The following DDX23 variants were observed in gnomAD, a reference collection of about 807,000 sequenced individuals.
DDX23 encodes the protein DEAD-box helicase 23, also known as probable ATP-dependent RNA helicase DDX23.
DDX23 carries 33 observed loss-of-function variants against 102.7 expected under a neutral mutation model. The ratio of observed to expected loss-of-function variants is 0.32; its 90% CI spans 0.24 to 0.43. DDX23 has a LOEUF of 0.43. DDX23 is among the 20% of genes least tolerant of loss of function. The pLI, the probability that DDX23 is intolerant of heterozygous loss-of-function variation, is 1.00. For missense variants in DDX23, 549 were observed against 1,086.6 expected, an observed-to-expected ratio of 0.51 and a Z score of 6.96; for synonymous variants, 352 against 376.0, an observed-to-expected ratio of 0.94 and a Z score of 0.74.
intron 1 of DDX23, among the ~76,000 whole-genome samples, chr12:48,850,303 A>C (rs1846803557): frequency 2.0e-5 from 3 of 152,226 alleles, no homozygotes; most frequent in Non-Finnish European, 4.4e-5. Flanking sequence ...ATAGCTCCTA[A>C]ATTTATAGTT....
rs745912864 is a variant in DDX23, at chr12:48,838,078, G to A, written c.483C>T (p.Pro161=). 1 of 1,614,120 alleles carries A rather than the reference G, an allele frequency of 6.2e-7. No homozygotes were observed. Among genetic ancestry groups the A allele is most frequent in the Non-Finnish European group, 8.5e-7 (1 of 1,180,034 alleles). ...CTCGTTCTGCTTTAGAGAGGAACTT[G>A]GGCTACAAAAGAGATTGGAACTGTC... ...KKAEEEAEAK[P]KFLSKAEREA... The change falls in exon 6 of 17, where the codon CCC becomes CCT. Residue 161 remains proline (P), a splice_region_variant and synonymous_variant. Transcript: ENST00000308025.
Position 48,833,330 on chromosome 12 carries a change from C to T in DDX23, c.1750G>A (p.Asp584Asn). Residue 584 changes from aspartate (D) to asparagine (N), a missense_variant, in exon 13 of 17, where the codon GAC becomes AAC. Physicochemically the swap from Asp to Asn is conservative, Grantham distance 23 (BLOSUM62 1). Transcript: ENST00000308025. ...AAGTTGGCCAGCATCTTCTCAGGGT[C>T]CTCAGCCTCATCCGTGTCTGGCTTC... ...NQKPDTDEAEDPEKMLANFES... is the reference protein window; with the variant it reads ...NQKPDTDEAENPEKMLANFES... 6.2e-7 allele frequency: 1 copy of T among 1,614,170 alleles called. No homozygotes were observed. Among genetic ancestry groups the T allele is most frequent in the Non-Finnish European group, 8.5e-7 (1 of 1,180,044 alleles).
intron 3 of DDX23, among the ~76,000 whole-genome samples, chr12:48,842,343 T>C: frequency 8.9e-6 from 1 of 112,426 alleles, no homozygotes. Flanking sequence ...CGGCCGCCCC[T>C]ACTGGGAAGT....
Position 48,843,980 on chromosome 12 carries a change from T to C in DDX23, c.280A>G (p.Lys94Glu). 6.2e-7 allele frequency: 1 copy of C among 1,614,152 alleles called. No homozygotes were observed. The highest frequency in any genetic ancestry group is 1.6e-4 in the Middle Eastern group (1 of 6,062). Residue 94 changes from lysine to glutamate, a missense_variant, in exon 3 of 17, where the codon AAG (lysine) becomes GAG (glutamate). By Grantham distance (56) the Lys-to-Glu change is moderately conservative (BLOSUM62 1). This residue lies in a region of DDX23 where 241 missense variants were observed against 267.0 expected (regional missense o/e 0.90). Transcript: ENST00000308025. The stretch of plus-strand genomic sequence containing the variant: ...TCCTTGTCCCGTCTGTGCCCATCCT[T>C]GTCTCGATCTCGGTCCTTCTTATTC... ...DRNKKDRDRD[K>E]DGHRRDKDRK... is the part of the protein sequence containing the mutation.
intron 3 of DDX23, among the ~76,000 whole-genome samples, chr12:48,842,779 C>G (rs1938589887): frequency 6.6e-6 from 1 of 152,238 alleles, no homozygotes; most frequent in Admixed American, 6.5e-5. Flanking sequence ...GCCCGCCCAC[C>G]ACCCCGTCTG....
chr12:48,841,591 C>T (rs1459692153), intron 3 of DDX23, among the ~76,000 whole-genome samples: 1 of 152,224 alleles, frequency 6.6e-6, no homozygotes, highest in African/African-American at 2.4e-5. Context: ...CTGCCGAGTG[C>T]CTGCGATTGC....
At chr12:48,845,307 C>T (rs977086727) in intron 2 of DDX23, among the ~76,000 whole-genome samples, 1 of 151,786 alleles carries the variant, frequency 6.6e-6, no homozygotes, top group African/African-American at 2.4e-5. Flanking sequence ...AAACATTAGC[C>T]GGGCATGGTG....
At position 48,834,482 on chromosome 12, in the gene DDX23, G is replaced by T. The variant is rs754601995; in HGVS notation, c.1398C>A (p.Asp466Glu). 2 of 1,613,918 alleles carry T rather than the reference G, an allele frequency of 1.2e-6. No individual in the cohort carries two copies. Among genetic ancestry groups the T allele is most frequent in the Non-Finnish European group, 1.7e-6 (2 of 1,179,940 alleles). The change falls in exon 12 of 17, where the codon GAC (aspartate) becomes GAA (glutamate). Residue 466 changes from aspartate to glutamate, a missense_variant. Asp to Glu is a conservative substitution (Grantham distance 45). Around this residue, in one of 4 missense-constraint regions of DDX23, gnomAD observed 270 missense variants for 707.0 expected, o/e 0.38. Coordinates refer to ENST00000308025, the MANE Select transcript of DDX23 (RefSeq NM_004818.3). ...CCAGGATGATGGCATAAGGGCCTTG[G>T]TCTGACTCTTCGATCCTGTGGTAAA... ...LPKIDRIEES[D>E]QGPYAIILAP...
In DDX23 at chr12:48,836,347, T is replaced by C. The variant is rs1938467784; in HGVS notation, c.1237-81A>G. 6.6e-7 allele frequency: 1 copy of C among 1,509,832 alleles called. No individual in the cohort carries two copies. The highest frequency in any genetic ancestry group is 1.7e-5 in the Admixed American group (1 of 58,190). 93.5% of individuals were successfully genotyped at this position (1,509,832 alleles called of 1,614,324 possible). On this transcript the variant is annotated intron_variant, in intron 10 of 16. Coordinates refer to ENST00000308025, the MANE Select transcript of DDX23 (RefSeq NM_004818.3). This position sits in a 1 kb window ranked among gnomAD's most constrained non-coding sequence, Gnocchi z 6.1. ...AACCACTGATAGTAGTAAGCACATC[T>C]GCTAGCACAATGGAAGGATGCCAAG... is the stretch of plus-strand genomic sequence containing the variant.
At chr12:48,831,733 C>A in intron 15 of DDX23, 1 of 442,544 alleles carries the variant, frequency 2.3e-6, no homozygotes, top group African/African-American at 2.0e-5. Flanking sequence ...CAGCTCCCTT[C>A]TGACCATATC....
At chr12:48,834,913 G>A (rs1193337619) in intron 11 of DDX23, among the ~76,000 whole-genome samples, 2 of 150,324 alleles carry the variant, frequency 1.3e-5, no homozygotes, top group Non-Finnish European at 3.0e-5. Context: ...CAGCCTGGGT[G>A]ACAGAGACAC....
Position 48,838,003 on chromosome 12 carries a change from C to T in DDX23, c.558G>A (p.Arg186=), listed in dbSNP as rs369050938. 1.2e-5 allele frequency: 20 copies of T among 1,614,110 alleles called. No homozygotes were observed. In the African/African-American group the frequency reaches 2.1e-4, roughly 17 times the overall value. ...TTTTCTTCCTCTCTTCTTCAAGCAT[C>T]CTCTGCCGCTCTTCCACCTCCTGCT... ...RRQQEVEERQ[R]MLEEERKKRK... is the part of the protein sequence containing the mutation. The change falls in exon 6 of 17, where the codon AGG becomes AGA. Residue 186 remains arginine (R), a synonymous_variant. Transcript: ENST00000308025.
chr12:48,831,030 G>C, intron 16 of DDX23, 112 bp downstream of exon 16: 1 of 1,247,128 alleles, frequency 8.0e-7, no homozygotes, highest in South Asian at 1.3e-5. Flanking sequence ...TCCCAGACTT[G>C]GAACTGAGGG....
At position 48,830,453 on chromosome 12, in the gene DDX23, C is replaced by T. The variant is rs370078353; in HGVS notation, c.*16G>A. 6.2e-7 allele frequency: 1 copy of T among 1,613,880 alleles called. No individual in the cohort carries two copies. Among genetic ancestry groups the T allele is most frequent in the Non-Finnish European group, 8.5e-7 (1 of 1,179,814 alleles). On this transcript the variant is annotated 3_prime_UTR_variant, in exon 17 of 17. Transcript: ENST00000308025. This position sits in a 1 kb window ranked among gnomAD's most constrained non-coding sequence, Gnocchi z 4.9. ...CAGCTTTGGAGATGCCCTCAGCCCA[C>T]AGGAAGAGTGCTGTGTCAGGCAAAG...
In DDX23 at chr12:48,834,803, C is replaced by T. The variant is rs370379295; in HGVS notation, c.1383-306G>A. ...ACAAAAATTAGCCAGGCGTGGTGGC[C>T]GGCGCCTGTAATACCAGCTACTCGG... On this transcript the variant is annotated intron_variant, in intron 11 of 16. Transcript: ENST00000308025. 6.1e-5 allele frequency: 14 copies of T among 229,816 alleles called. No individual in the cohort carries two copies. In the East Asian group the frequency reaches 1.0e-3, roughly 17 times the overall value. The allele number at this position is 229,816 out of a possible 1,614,324, so 14.2% of individuals were successfully genotyped here.
intron 3 of DDX23, among the ~76,000 whole-genome samples, chr12:48,843,295 TAAA>T (rs1042555081): frequency 7.4e-6 from 1 of 135,964 alleles, no homozygotes. Flanking sequence ...AATGATCAAT[TAAA>T]AAAAAAAAAA....
intron 16 of DDX23, 122 bp downstream of exon 16, chr12:48,831,018 AAT>A (rs956328675): frequency 8.8e-7 from 1 of 1,137,656 alleles, no homozygotes; most frequent in African/African-American, 1.5e-5. Context: ...GGGAGCAAGC[AAT>A]CCCAGACTTG....
intron 3 of DDX23, 68 bp from the exon 4 acceptor site, chr12:48,840,174 C>G: frequency 7.9e-7 from 1 of 1,272,256 alleles, no homozygotes. Flanking sequence ...CAAGTTGAGC[C>G]CCGAAAAGAG....
At chr12:48,845,932 A>G in intron 1 of DDX23, 150 bp from the exon 2 acceptor site, 1 of 893,684 alleles carries the variant, frequency 1.1e-6, no homozygotes, top group Non-Finnish European at 1.7e-6. Context: ...AGGTATATAA[A>G]GGAACTTGTC....
Sources: gnomAD v4.1 joint callset for allele counts (sites outside exome capture counted in the v4.1 genomes callset) on GRCh38, gnomAD v4.1.1 for gene constraint, gnomAD v4.1.1 regional missense constraint, Gnocchi (gnomAD v3.1) non-coding constraint, MANE v1.5 for transcripts, NCBI Gene and HGNC (gene_info 2026-07-23, HGNC 2026-07-21) for gene names.